Variants in TANC1 observed in about 807,000 individuals in gnomAD.
TANC1 encodes the protein tetratricopeptide repeat, ankyrin repeat and coiled-coil containing 1, also known as protein TANC1.
TANC1 carries 77 observed loss-of-function variants against 149.7 expected under a neutral mutation model. The ratio of observed to expected loss-of-function variants is 0.51; its 90% CI spans 0.43 to 0.62. TANC1 has a LOEUF of 0.62. Among genes scored for constraint, TANC1 ranks in the 20% least tolerant of loss-of-function variants. The pLI is 0.00. For synonymous variants in TANC1, 854 were observed against 925.0 expected (o/e 0.92, Z 1.39); for missense variants, 1,985 against 2,321.8 (o/e 0.85, Z 2.98).
chr2:159,056,943 C>T (rs577344323), intron 2 of TANC1: 21 of 225,680 alleles, frequency 9.3e-5, no homozygotes, highest in African/African-American at 4.5e-4. Context: ...TGTGCCAGCC[C>T]GCAAATATTC....
intron 25 of TANC1, chr2:159,228,492 G>A (rs553350743): frequency 8.9e-5 from 31 of 346,870 alleles, no homozygotes; most frequent in African/African-American, 1.7e-4. Flanking sequence ...CCCTGCTGCC[G>A]GAATAGATGC....
At chr2:159,206,142 G>A (rs535429499) in intron 19 of TANC1, among the ~76,000 whole-genome samples, 3 of 152,204 alleles carry the variant, frequency 2.0e-5, no homozygotes, top group South Asian at 2.1e-4. Context: ...TCAAGGGTGC[G>A]TGGGAGGGAC....
intron 2 of TANC1, among the ~76,000 whole-genome samples, chr2:159,040,737 A>G (rs1395778643): frequency 6.6e-6 from 1 of 152,110 alleles, no homozygotes; most frequent in Non-Finnish European, 1.5e-5. Flanking sequence ...GTTTGTTATT[A>G]CTGACTTTCT....
intron 5 of TANC1, among the ~76,000 whole-genome samples, chr2:159,143,465 C>T (rs2051665009): frequency 1.5e-5 from 2 of 137,760 alleles, no homozygotes; most frequent in South Asian, 4.9e-4. Flanking sequence ...ATTGCTGTTT[C>T]CAGCACTTGG....
intron 7 of TANC1, among the ~76,000 whole-genome samples, chr2:159,156,287 T>A (rs550338111): frequency 3.3e-5 from 5 of 152,342 alleles, no homozygotes; most frequent in South Asian, 2.1e-4. Context: ...GCCTTTTTTT[T>A]AAAATCTCTT....
At chr2:159,006,989 A>T (rs1202590318) in intron 2 of TANC1, among the ~76,000 whole-genome samples, 1 of 152,164 alleles carries the variant, frequency 6.6e-6, no homozygotes, top group Non-Finnish European at 1.5e-5. Flanking sequence ...CAGGTATGCA[A>T]AATTGCTTTT....
At chr2:159,131,277 A>C (rs945910645) in intron 4 of TANC1, among the ~76,000 whole-genome samples, 3 of 152,176 alleles carry the variant, frequency 2.0e-5, no homozygotes, top group Non-Finnish European at 4.4e-5. Flanking sequence ...TTAGCTCTTG[A>C]ATCTCTCTCC....
At chr2:159,036,580 A>G (rs891303376) in intron 2 of TANC1, among the ~76,000 whole-genome samples, 2 of 151,980 alleles carry the variant, frequency 1.3e-5, no homozygotes, top group African/African-American at 4.8e-5. Context: ...TCATTGTTCA[A>G]TTCCCGCCTA....
intron 1 of TANC1, among the ~76,000 whole-genome samples, chr2:158,996,753 G>A (rs531139274): frequency 6.6e-6 from 1 of 152,202 alleles, no homozygotes; most frequent in South Asian, 2.1e-4. Flanking sequence ...ACTGAGCTAG[G>A]TGTCAGGGAT....
chr2:159,097,505 C>T, intron 3 of TANC1, 132 bp from the exon 4 acceptor site: 1 of 716,420 alleles, frequency 1.4e-6, no homozygotes, highest in South Asian at 2.0e-5. Context: ...GGGGAAAAGT[C>T]ATTTAAAAAA....
intron 2 of TANC1, among the ~76,000 whole-genome samples, chr2:159,048,542 T>C (rs1454713335): frequency 1.3e-5 from 2 of 152,222 alleles, no homozygotes; most frequent in Non-Finnish European, 2.9e-5. Context: ...TTGTGGGAAT[T>C]GATCATTTGC....
At chr2:159,214,167 TGTG>T (rs1413261123) in intron 19 of TANC1, among the ~76,000 whole-genome samples, 7 of 106,768 alleles carry the variant, frequency 6.6e-5, no homozygotes, top group African/African-American at 2.5e-4. Context: ...CAGCAAATGT[TGTG>T]GTGGTTGGGT....
intron 2 of TANC1, among the ~76,000 whole-genome samples, chr2:159,032,106 G>A (rs1200564290): frequency 6.6e-6 from 1 of 152,216 alleles, no homozygotes; most frequent in Non-Finnish European, 1.5e-5. Context: ...TGGTGACTTA[G>A]GAGGAGATAG....
chr2:159,019,383 A>G (rs1016300140), intron 2 of TANC1, among the ~76,000 whole-genome samples: 14 of 152,204 alleles, frequency 9.2e-5, no homozygotes, highest in African/African-American at 3.4e-4. Context: ...GCAAATTTTC[A>G]AGAGAAACTA....
At chr2:159,026,774 G>A (rs1029175812) in intron 2 of TANC1, among the ~76,000 whole-genome samples, 1 of 152,044 alleles carries the variant, frequency 6.6e-6, no homozygotes, top group Admixed American at 6.5e-5. Context: ...TGCTGCACTG[G>A]GATGCAGAAA....
intron 2 of TANC1, among the ~76,000 whole-genome samples, chr2:159,035,006 C>T (rs1271998527): frequency 3.9e-5 from 6 of 152,188 alleles, no homozygotes; most frequent in African/African-American, 9.7e-5. Context: ...TCGATGGAGA[C>T]ATGCTTTGGT....
At chr2:159,123,911 G>A (rs913921194) in intron 4 of TANC1, among the ~76,000 whole-genome samples, 1 of 152,148 alleles carries the variant, frequency 6.6e-6, no homozygotes, top group Non-Finnish European at 1.5e-5. Flanking sequence ...CTCAGGTACA[G>A]CTCAATCGCT....
intron 25 of TANC1, 22 bp downstream of exon 25, chr2:159,227,987 C>T (rs1432382131): frequency 6.2e-7 from 1 of 1,603,194 alleles, no homozygotes; most frequent in Non-Finnish European, 8.5e-7. Context: ...CCCTTTATTC[C>T]AACCCAGTCT....
intron 4 of TANC1, among the ~76,000 whole-genome samples, chr2:159,113,282 A>T (rs1164015116): frequency 6.6e-6 from 1 of 152,138 alleles, no homozygotes; most frequent in African/African-American, 2.4e-5. Flanking sequence ...TGATTTTAGT[A>T]TATTGTCCCT....
Sources: allele counts gnomAD v4.1 joint callset (sites outside exome capture counted in the v4.1 genomes callset), GRCh38; gene constraint gnomAD v4.1.1; transcripts MANE v1.5; gene names NCBI Gene and HGNC (gene_info 2026-07-23, HGNC 2026-07-21).